The following RNF213 variants were observed in gnomAD, a reference collection of about 807,000 sequenced individuals.
The protein encoded by RNF213 is ring finger protein 213.
In RNF213, 341 loss-of-function variants were observed where a neutral mutation model predicts 514.4. That is an observed-to-expected ratio of 0.66 (90% CI 0.61 to 0.73). RNF213 has a LOEUF of 0.73. RNF213 is among the 30% of genes least tolerant of loss of function. RNF213 has a pLI of 0.00. For missense variants in RNF213, 5,767 were observed against 6,615.6 expected (o/e 0.87, Z 4.45); for synonymous variants, 2,655 against 2,658.2 (o/e 1.00, Z 0.04).
At chr17:80,361,607 C>A in intron 38 of RNF213, 127 bp from the exon 39 acceptor site, 1 of 916,336 alleles carries the variant, frequency 1.1e-6, no homozygotes. Flanking sequence ...GCAGTTGGTA[C>A]CCCTTTGTCT....
chr17:80,321,065 T>A (rs1384950252), intron 17 of RNF213: 5 of 152,196 alleles, frequency 3.3e-5, no homozygotes, highest in African/African-American at 1.2e-4. Context: ...CCAAAATGCT[T>A]GAGACCAGAA....
At chr17:80,357,218 T>G (rs555851634) in intron 36 of RNF213, among the ~76,000 whole-genome samples, 2 of 152,344 alleles carry the variant, frequency 1.3e-5, no homozygotes, top group Non-Finnish European at 2.9e-5. Flanking sequence ...CCCAGCCACC[T>G]TTTAATTCTT....
At position 80,385,631 on chromosome 17, in the gene RNF213, CT is replaced by C; in HGVS notation, c.14539+11del. 6.2e-7 allele frequency: 1 copy of C among 1,611,532 alleles called. No individual in the cohort carries two copies. On this transcript the variant is annotated intron_variant, in intron 61 of 67. Transcript: ENST00000582970. ...TCGCTTGAGACGAACGGTTAGTATC[CT>C]GTCCCCTGTACCACTAAGCGTTCCA... is the stretch of plus-strand genomic sequence containing the variant.
At chr17:80,328,176 A>C (rs1344735052) in intron 19 of RNF213, among the ~76,000 whole-genome samples, 152 bp from the exon 20 acceptor site, 1 of 152,204 alleles carries the variant, frequency 6.6e-6, no homozygotes, top group African/African-American at 2.4e-5. Flanking sequence ...GAAAGTGATA[A>C]AATAATGGCC....
chr17:80,383,132 C>G, intron 58 of RNF213, 62 bp downstream of exon 58: 2 of 1,159,416 alleles, frequency 1.7e-6, no homozygotes, highest in Non-Finnish European at 2.6e-6. Context: ...GTCCCGGCGT[C>G]TGCTGAATGC....
intron 15 of RNF213, 72 bp downstream of exon 15, chr17:80,313,239 G>A (rs1374883472): frequency 1.9e-6 from 3 of 1,590,678 alleles, no homozygotes; most frequent in South Asian, 1.1e-5. Flanking sequence ...CAAATCATGG[G>A]GTACAGGCTG....
intron 3 of RNF213, among the ~76,000 whole-genome samples, chr17:80,280,038 C>T (rs1207476164): frequency 6.6e-6 from 1 of 152,232 alleles, no homozygotes; most frequent in Non-Finnish European, 1.5e-5. Context: ...CGAGCATCCA[C>T]CACGCCTAGG....
At chr17:80,328,230 C>A in intron 19 of RNF213, 98 bp from the exon 20 acceptor site, 1 of 1,368,804 alleles carries the variant, frequency 7.3e-7, no homozygotes, top group Non-Finnish European at 9.7e-7. Flanking sequence ...TAGTCCTTCT[C>A]CTGGTGGCGG....
chr17:80,363,448 G>C, intron 40 of RNF213, 134 bp downstream of exon 40: 1 of 1,199,610 alleles, frequency 8.3e-7, no homozygotes, highest in Non-Finnish European at 1.2e-6. Flanking sequence ...TGAATTCAGA[G>C]ATGTTAAGGA....
chr17:80,293,182 C>G (rs1390310373), intron 8 of RNF213, among the ~76,000 whole-genome samples: 1 of 152,072 alleles, frequency 6.6e-6, no homozygotes, highest in Admixed American at 6.6e-5. Flanking sequence ...TCAGCCCCCC[C>G]AAGTAGCTGG....
rs776390324 is a variant in RNF213, at chr17:80,380,916, C to T, written c.13726C>T (p.Pro4576Ser). 29 of 1,614,078 alleles carry T rather than the reference C, an allele frequency of 1.8e-5. No homozygotes were observed. The East Asian group carries it at 6.0e-4, about 33-fold the overall frequency. Reference sequence around the variant, plus strand: ...GGTGACATGTGACCGAGGGCTGCCCCCAGTGGTCTTCCTCCTTATCCGGCT... The same window carrying T: ...GGTGACATGTGACCGAGGGCTGCCCTCAGTGGTCTTCCTCCTTATCCGGCT... ...DVVTCDRGLPPVVFLLIRLLT... is the reference protein window; with the variant it reads ...DVVTCDRGLPSVVFLLIRLLT... Residue 4576 changes from proline to serine, a missense_variant, in exon 56 of 68, where the codon CCA (proline) becomes TCA (serine). Around this residue, in one of 13 missense-constraint regions of RNF213, gnomAD observed 1,245 missense variants for 1,339.0 expected, o/e 0.93. Transcript: ENST00000582970.
chr17:80,347,533 G>C lies in RNF213; in HGVS notation c.9198G>C (p.Pro3066=), dbSNP rs147557959. The change falls in exon 29 of 68, where the codon CCG becomes CCC. Residue 3066 remains proline (P), a synonymous_variant. Coordinates refer to ENST00000582970, the MANE Select transcript of RNF213 (RefSeq NM_001256071.3). This position sits in a 1 kb window ranked among gnomAD's most constrained non-coding sequence, Gnocchi z 7.2. ...CATTCTTCGAGGGGGACCAGCAGCC[G>C]GAGATTATTTTTGGTTCTGGTTTCC... The part of the protein sequence containing the change: ...QQTFFEGDQQ[P]EIIFGSGFPK... 6.3e-5 allele frequency: 101 copies of C among 1,613,982 alleles called. No homozygotes were observed. In the East Asian group the frequency reaches 2.2e-3, roughly 35 times the overall value.
chr17:80,317,086 C>G lies in RNF213; in HGVS notation c.2812-102C>G. 1 of 1,275,556 alleles carries G rather than the reference C, an allele frequency of 7.8e-7. No homozygotes were observed. The highest frequency in any genetic ancestry group is 1.1e-6 in the Non-Finnish European group (1 of 892,212). 79.0% of individuals were successfully genotyped at this position (1,275,556 alleles called of 1,614,324 possible). A position where few individuals can be genotyped will look rare whatever the true frequency, so the allele number is the denominator to read the frequency against. ...GAGCCCTGGTGTTCGCGGAGTCCCG[C>G]GCTCTCTGTATTGCCGTAATGCTCT... On this transcript the variant is annotated intron_variant, in intron 15 of 67. Coordinates refer to ENST00000582970, the MANE Select transcript of RNF213 (RefSeq NM_001256071.3). The surrounding 1 kb of genome is among the most constrained non-coding windows in gnomAD (Gnocchi z 4.1).
intron 31 of RNF213, 21 bp from the exon 32 acceptor site, chr17:80,351,664 C>CTT (rs148590969): frequency 1.8e-4 from 206 of 1,165,658 alleles, no homozygotes; most frequent in African/African-American, 1.2e-3. Context: ...AATAGGTATT[C>CTT]TTTTTTTTTT....
rs1399336280 is a variant in RNF213 at position 80,398,488 on chromosome 17, T to C, written c.*4990T>C. 6.6e-6 allele frequency: 1 copy of C among 152,020 alleles called. No homozygotes were observed. The highest frequency in any genetic ancestry group is 1.5e-5 in the Non-Finnish European group (1 of 68,008). 9.4% of individuals were successfully genotyped at this position (152,020 alleles called of 1,614,324 possible). ...ATTAGAGGTAGGTTGGCCATCAGAGTGAAGCCTGGACAGGTCCCTTGTTTC... is the reference window on the plus strand; with the variant it reads ...ATTAGAGGTAGGTTGGCCATCAGAGCGAAGCCTGGACAGGTCCCTTGTTTC... On this transcript the variant is annotated 3_prime_UTR_variant, in exon 68 of 68. Coordinates refer to ENST00000582970, the MANE Select transcript of RNF213 (RefSeq NM_001256071.3).
At position 80,294,799 on chromosome 17, in the gene RNF213, G is replaced by A; in HGVS notation, c.1551G>A (p.Gly517=). The part of the protein sequence containing the change: ...LQKVMNHITD[G]PRKDLVKGKQ... Reference sequence around the variant, plus strand: ...AAGTCATGAACCACATCACAGACGGGCCGAGGAAGGACCTGGTGAAGGGGA... The same window carrying A: ...AAGTCATGAACCACATCACAGACGGACCGAGGAAGGACCTGGTGAAGGGGA... The change falls in exon 9 of 68, where the codon GGG becomes GGA. Residue 517 remains glycine, a synonymous_variant. Coordinates refer to ENST00000582970, the MANE Select transcript of RNF213 (RefSeq NM_001256071.3). The A allele has an allele frequency of 6.2e-7, 1 of 1,614,182 alleles. No homozygotes were observed. Among genetic ancestry groups the A allele is most frequent in the Non-Finnish European group, 8.5e-7 (1 of 1,180,044 alleles).
chr17:80,295,048 A>C, intron 9 of RNF213, 45 bp downstream of exon 9: 1 of 1,609,948 alleles, frequency 6.2e-7, no homozygotes. Context: ...GGCAGGAGCC[A>C]CACCTGACCT....
At chr17:80,268,940 C>T (rs1480327469) in intron 2 of RNF213, among the ~76,000 whole-genome samples, 1 of 152,128 alleles carries the variant, frequency 6.6e-6, no homozygotes, top group Non-Finnish European at 1.5e-5. Flanking sequence ...GCAGGGAAGC[C>T]GACAGTGTAG....
chr17:80,306,164 G>A, intron 11 of RNF213, 88 bp from the exon 12 acceptor site: 1 of 1,294,494 alleles, frequency 7.7e-7, no homozygotes, highest in Non-Finnish European at 1.1e-6. Flanking sequence ...ATTCGGGACT[G>A]TTTCTGTCCC....
Sources: allele counts gnomAD v4.1 joint callset (sites outside exome capture counted in the v4.1 genomes callset), GRCh38; gene constraint gnomAD v4.1.1; regional missense constraint gnomAD v4.1.1; non-coding constraint Gnocchi (gnomAD v3.1); transcripts MANE v1.5; gene names NCBI Gene and HGNC (gene_info 2026-07-23, HGNC 2026-07-21).